Variants in GRK1 observed in about 807,000 individuals in gnomAD.
GRK1 encodes the protein rhodopsin kinase GRK1.
GRK1 carries 28 observed loss-of-function variants against 41.7 expected under a neutral mutation model. That is an observed-to-expected ratio of 0.67 (90% CI 0.50 to 0.92). The LOEUF is 0.92. Among genes scored for constraint, GRK1 ranks in the 40% least tolerant of loss-of-function variants. GRK1 has a pLI of 0.00. For missense variants in GRK1, 703 were observed against 671.2 expected, an observed-to-expected ratio of 1.05 and a Z score of -0.52; for synonymous variants, 327 against 286.7, an observed-to-expected ratio of 1.14 and a Z score of -1.42.
chr13:113,653,095 G>A, the GRK1 span: 1 of 1,593,914 alleles, frequency 6.3e-7, no homozygotes, highest in South Asian at 1.1e-5. Context: ...GCACCTGCCA[G>A]CCCTGTCCTG....
intron 4 of GRK1, among the ~76,000 whole-genome samples, chr13:113,723,789 T>C (rs1300378486): frequency 1.3e-5 from 2 of 151,840 alleles, no homozygotes; most frequent in Admixed American, 6.6e-5. Flanking sequence ...CACACGTGTG[T>C]CTGTGTGCCT....
upstream of GRK1, chr13:113,667,199 C>T (rs1188817069): frequency 3.3e-6 from 2 of 597,166 alleles, no homozygotes; most frequent in African/African-American, 1.9e-5. This position sits in a 1 kb window ranked among gnomAD's most constrained non-coding sequence, Gnocchi z 7.5. Context: ...GTGTCAGCCC[C>T]GGGCTCCCAG....
chr13:113,668,617 C>T (rs998999403), intron 1 of GRK1, among the ~76,000 whole-genome samples: 2 of 152,370 alleles, frequency 1.3e-5, no homozygotes, highest in South Asian at 2.1e-4. Context: ...GAGTGAGCGA[C>T]GGGCACGCAG....
upstream of GRK1, among the ~76,000 whole-genome samples, chr13:113,664,021 C>T (rs537536208): frequency 6.6e-5 from 10 of 152,328 alleles, no homozygotes; most frequent in African/African-American, 2.4e-4. The surrounding 1 kb of genome is among the most constrained non-coding windows in gnomAD (Gnocchi z 5.4). Flanking sequence ...ACGATCCAGC[C>T]GTCCTTCAAC....
chr13:113,666,474 CTGTCCCAGGTG>C (rs1040542550), upstream of GRK1, among the ~76,000 whole-genome samples: 1 of 150,342 alleles, frequency 6.7e-6, no homozygotes, highest in Admixed American at 6.6e-5. Flanking sequence ...TGTGTCCCAG[CTGTCCCAGGTG>C]TGTCCCAGAT....
Position 113,671,701 on chromosome 13 carries a change from G to A in GRK1, c.985+45G>A. On this transcript the variant is annotated intron_variant, in intron 3 of 6. Transcript: ENST00000335678. This position sits in a 1 kb window ranked among gnomAD's most constrained non-coding sequence, Gnocchi z 4.1. ...GGGAGGGATGAGGGCTACGAGGAGG[G>A]CGGGGCGCAGCTTCCTTGGGGGTCT... The A allele has an allele frequency of 4.2e-6, 3 of 707,278 alleles. No individual in the cohort carries two copies. The highest frequency in any genetic ancestry group is 1.5e-5 in the South Asian group (1 of 68,370). The allele number at this position is 707,278 out of a possible 1,614,324, so 43.8% of individuals were successfully genotyped here.
intron 4 of GRK1, among the ~76,000 whole-genome samples, chr13:113,725,313 G>C (rs1401019901): frequency 1.3e-5 from 2 of 149,382 alleles, no homozygotes; most frequent in African/African-American, 5.0e-5. Context: ...TTTGAGGTCA[G>C]GGGCGGGATC....
At chr13:113,723,623 TCA>T in intron 4 of GRK1, among the ~76,000 whole-genome samples, 1 of 152,284 alleles carries the variant, frequency 6.6e-6, no homozygotes, top group East Asian at 1.9e-4. Context: ...AGCATTTATC[TCA>T]GTGAACAGAG....
chr13:113,672,059 C>G (rs968459874), intron 3 of GRK1, among the ~76,000 whole-genome samples: 1 of 152,018 alleles, frequency 6.6e-6, no homozygotes, highest in Non-Finnish European at 1.5e-5. Context: ...GGGAGGATCT[C>G]GGTGGGCAAC....
At chr13:113,654,843 GGT>G in the GRK1 span, 1 of 1,614,038 alleles carries the variant, frequency 6.2e-7, no homozygotes, top group Non-Finnish European at 8.5e-7. Flanking sequence ...TTGGTAGTCC[GGT>G]GTGTACGGGT....
chr13:113,650,530 T>G, the GRK1 span: 1 of 1,595,414 alleles, frequency 6.3e-7, no homozygotes, highest in Non-Finnish European at 8.6e-7. The surrounding 1 kb of genome is among the most constrained non-coding windows in gnomAD (Gnocchi z 5.0). Context: ...GGCCACTGCC[T>G]GAGTCAGGCG....
In GRK1 at chr13:113,733,693, ATACATGTG is replaced by A. The variant is rs1230788094; in HGVS notation, c.1396+610_1396+617del. Reference sequence around the variant, plus strand: ...TGCACGTGTGTGCATGTATGTGTGCATACATGTGTGCGTGTGTGCGCACGTGTGTGTGC... The same window carrying A: ...TGCACGTGTGTGCATGTATGTGTGCATGCGTGTGTGCGCACGTGTGTGTGC... On this transcript the variant is annotated intron_variant, in intron 6 of 6. Coordinates refer to ENST00000335678, the MANE Select transcript of GRK1 (RefSeq NM_002929.3). 4.4e-4 allele frequency among the ~76,000 whole-genome samples: 43 copies of A among 97,006 alleles called. 1 individual carries two copies. In the East Asian group the frequency reaches 4.6e-3, roughly 10 times the overall value. 63.6% of individuals were successfully genotyped at this position (97,006 alleles called of 152,430 possible).
Position 113,731,162 on chromosome 13 carries a change from G to A in GRK1, c.1070-57G>A, listed in dbSNP as rs1340720105. On this transcript the variant is annotated intron_variant, in intron 4 of 6. Transcript: ENST00000335678. This position sits in a 1 kb window ranked among gnomAD's most constrained non-coding sequence, Gnocchi z 5.6. ...GAGCATCAGTCCTGCGATTCCTGGAGTGCGTGCCCACCATGGAGGTGACCA... is the reference window on the plus strand; with the variant it reads ...GAGCATCAGTCCTGCGATTCCTGGAATGCGTGCCCACCATGGAGGTGACCA... 11 of 1,519,236 alleles carry A rather than the reference G, an allele frequency of 7.2e-6. No individual in the cohort carries two copies. The highest frequency in any genetic ancestry group is 8.8e-6 in the Non-Finnish European group (10 of 1,134,676). The allele number at this position is 1,519,236 out of a possible 1,614,324, so 94.1% of individuals were successfully genotyped here.
chr13:113,659,152 G>A, the GRK1 span, among the ~76,000 whole-genome samples: 53 of 152,354 alleles, frequency 3.5e-4, no homozygotes, highest in East Asian at 6.9e-3. Flanking sequence ...GGACGTGGAG[G>A]GCTCCCAGGC....
the GRK1 span, among the ~76,000 whole-genome samples, chr13:113,653,897 C>T: frequency 2.6e-5 from 4 of 152,224 alleles, no homozygotes; most frequent in African/African-American, 4.8e-5. Flanking sequence ...TCGACTTTCC[C>T]GATGTGAACC....
chr13:113,651,981 G>C, the GRK1 span, among the ~76,000 whole-genome samples: 1 of 152,168 alleles, frequency 6.6e-6, no homozygotes, highest in Non-Finnish European at 1.5e-5. Context: ...TCAGGAGGCG[G>C]CTGGCAGGAG....
intron 6 of GRK1, among the ~76,000 whole-genome samples, chr13:113,733,561 C>G (rs371534817): frequency 0.32 from 40,564 of 128,282 alleles, 6,825 homozygotes; most frequent in African/African-American, 0.58. Context: ...GCACGTGTGT[C>G]CATGTATGTG....
Position 113,667,623 on chromosome 13 carries a change from A to C in GRK1, c.237A>C (p.Ala79=). The change falls in exon 1 of 7, where the codon GCA becomes GCC. Residue 79 remains alanine (A), a synonymous_variant. Coordinates refer to ENST00000335678, the MANE Select transcript of GRK1 (RefSeq NM_002929.3). This position sits in a 1 kb window ranked among gnomAD's most constrained non-coding sequence, Gnocchi z 7.5. ...KKLFQQFLQS[A]EKHLPALELW... is the part of the protein sequence containing the mutation. ...TCTTTCAGCAGTTCCTACAATCGGC[A>C]GAGAAGCACCTGCCGGCCCTGGAGC... 1 of 1,613,556 alleles carries C rather than the reference A, an allele frequency of 6.2e-7. No homozygotes were observed. The highest frequency in any genetic ancestry group is 1.7e-5 in the Admixed American group (1 of 60,030).
chr13:113,730,457 A>T (rs2049928679), intron 4 of GRK1, among the ~76,000 whole-genome samples: 1 of 149,192 alleles, frequency 6.7e-6, no homozygotes, highest in Admixed American at 6.7e-5. Flanking sequence ...ATCCTGAGGC[A>T]GTCTCCGCGG....
Sources: allele counts gnomAD v4.1 joint callset (sites outside exome capture counted in the v4.1 genomes callset), GRCh38; gene constraint gnomAD v4.1.1; non-coding constraint Gnocchi (gnomAD v3.1); transcripts MANE v1.5; gene names NCBI Gene and HGNC (gene_info 2026-07-23, HGNC 2026-07-21).